The following PKD1L1 variants were observed in gnomAD, a reference collection of about 807,000 sequenced individuals.
The protein encoded by PKD1L1 is polycystin 1 like 1, transient receptor potential channel interacting.
A neutral mutation model predicts 323.4 loss-of-function variants in PKD1L1; 236 were observed. That is an observed-to-expected ratio of 0.73 (90% CI 0.66 to 0.81). The LOEUF (loss-of-function observed/expected upper bound fraction) is 0.81, where lower values mean the gene tolerates loss of function less well. Ranked by LOEUF, PKD1L1 falls within the 40% of genes least tolerant of loss-of-function variation. PKD1L1 has a pLI of 0.00. For synonymous variants in PKD1L1, 1,344 were observed against 1,335.0 expected, an observed-to-expected ratio of 1.01 and a Z score of -0.15; for missense variants, 3,320 against 3,508.0, an observed-to-expected ratio of 0.95 and a Z score of 1.35.
In PKD1L1 at chr7:47,830,041, A is replaced by G. The variant is rs189908091; in HGVS notation, c.6557T>C (p.Met2186Thr). 2.9e-5 allele frequency: 47 copies of G among 1,614,060 alleles called. No individual in the cohort carries two copies. Among genetic ancestry groups the G allele is most frequent in the Admixed American group, 1.8e-4 (11 of 60,030 alleles). ...VCCIFITQPL[M>T]VCLMALGFAW... is the part of the protein sequence containing the mutation. Reference sequence around the variant, plus strand: ...TCTACCATGGAGGGTGTTTCTTACCATAAGTGGCTGGGTGATGAAAATACA... The same window carrying G: ...TCTACCATGGAGGGTGTTTCTTACCGTAAGTGGCTGGGTGATGAAAATACA... The change falls in exon 43 of 57, where the codon ATG becomes ACG. Residue 2186 changes from methionine to threonine, a missense_variant and splice_region_variant. By Grantham distance (81) the Met-to-Thr change is moderately conservative. Transcript: ENST00000289672.
intron 13 of PKD1L1, among the ~76,000 whole-genome samples, chr7:47,898,860 G>A (rs1787016945): frequency 6.6e-6 from 1 of 151,326 alleles, no homozygotes; most frequent in South Asian, 2.1e-4. Context: ...ATACCCTTGT[G>A]CAATTGTTTG....
chr7:47,892,251 C>T (rs979832730), intron 15 of PKD1L1, among the ~76,000 whole-genome samples: 5 of 152,012 alleles, frequency 3.3e-5, no homozygotes, highest in African/African-American at 9.7e-5. Context: ...TGAGTGAAGG[C>T]GGTGATGGCA....
intron 56 of PKD1L1, among the ~76,000 whole-genome samples, chr7:47,789,956 T>C (rs1317716075): frequency 6.6e-6 from 1 of 151,966 alleles, no homozygotes; most frequent in Admixed American, 6.6e-5. Context: ...TGGTGTGATC[T>C]CGGCTCACCG....
At chr7:47,873,828 T>G (rs1786339733) in intron 24 of PKD1L1, 71 bp downstream of exon 24, 1 of 1,208,204 alleles carries the variant, frequency 8.3e-7, no homozygotes, top group Admixed American at 2.1e-5. Flanking sequence ...TGTTAACAAC[T>G]TGGGGGAGAG....
At position 47,882,041 on chromosome 7, in the gene PKD1L1, C is replaced by T. The variant is rs372058157; in HGVS notation, c.3310G>A (p.Glu1104Lys). The T allele has an allele frequency of 6.1e-5, 99 of 1,613,746 alleles. No homozygotes were observed. Among genetic ancestry groups the T allele is most frequent in the African/African-American group, 1.9e-4 (14 of 74,858 alleles). ...FPGSGPSLSA[E>K]ESPGDGDNLV... ...TTATCCCCATCTCCAGGGCTCTCCT[C>T]GGCACTCAAGCTAGGTCCTGATCCT... The change falls in exon 20 of 57, where the codon GAG becomes AAG. Residue 1104 changes from glutamate (E) to lysine (K), a missense_variant. Coordinates refer to ENST00000289672, the MANE Select transcript of PKD1L1 (RefSeq NM_138295.5).
intron 14 of PKD1L1, among the ~76,000 whole-genome samples, 159 bp downstream of exon 14, chr7:47,897,829 C>A (rs1423831440): frequency 6.6e-6 from 1 of 151,484 alleles, no homozygotes; most frequent in Non-Finnish European, 1.5e-5. Context: ...GGGAATTAAA[C>A]ATTTCTCTTA....
At chr7:47,940,143 A>G (rs754850537) in intron 3 of PKD1L1, 50 bp downstream of exon 3, 6 of 1,612,146 alleles carry the variant, frequency 3.7e-6, no homozygotes, top group East Asian at 4.5e-5. Context: ...TGTACTGTAC[A>G]TGTACTGTAT....
intron 46 of PKD1L1, chr7:47,818,243 A>C: frequency 7.7e-7 from 1 of 1,305,078 alleles, no homozygotes; most frequent in Non-Finnish European, 1.0e-6. Context: ...GAAAGGAAGA[A>C]TGAGCCAGGG....
intron 45 of PKD1L1, among the ~76,000 whole-genome samples, chr7:47,824,399 T>C (rs1785202533): frequency 6.6e-6 from 1 of 152,182 alleles, no homozygotes; most frequent in Admixed American, 6.5e-5. Flanking sequence ...AATAACAGAA[T>C]TCTTCATTTC....
chr7:47,862,177 A>G (rs1251447242), intron 26 of PKD1L1, among the ~76,000 whole-genome samples: 1 of 152,136 alleles, frequency 6.6e-6, no homozygotes, highest in Non-Finnish European at 1.5e-5. Context: ...CTTGGGCGAC[A>G]GAGTGAGACT....
At chr7:47,796,171 A>T (rs749051105) in intron 54 of PKD1L1, 21 bp from the exon 55 acceptor site, 2 of 1,556,150 alleles carry the variant, frequency 1.3e-6, no homozygotes, top group Non-Finnish European at 1.7e-6. Context: ...GAAAAAAATA[A>T]AGACAAATTT....
At chr7:47,818,128 T>C (rs765311668) in intron 46 of PKD1L1, 2 of 1,366,884 alleles carry the variant, frequency 1.5e-6, no homozygotes, top group East Asian at 4.6e-5. Flanking sequence ...ACCCAGAGGG[T>C]GGAATGAAGC....
chr7:47,959,974 T>C, the PKD1L1 span, among the ~76,000 whole-genome samples: 14 of 152,074 alleles, frequency 9.2e-5, no homozygotes, highest in Admixed American at 1.3e-4. Flanking sequence ...GGTTGCCATG[T>C]CTGTGTAGAA....
At chr7:47,860,362 G>A (rs574095194) in intron 26 of PKD1L1, among the ~76,000 whole-genome samples, 2 of 152,318 alleles carry the variant, frequency 1.3e-5, no homozygotes, top group Admixed American at 1.3e-4. Flanking sequence ...ATTCATCAAT[G>A]CTTAAAAGAC....
intron 50 of PKD1L1, 93 bp downstream of exon 50, chr7:47,811,724 G>A: frequency 1.0e-6 from 1 of 982,260 alleles, no homozygotes; most frequent in East Asian, 2.6e-5. Flanking sequence ...TGAATGGGTA[G>A]GGAACTAGTC....
chr7:47,837,220 T>A lies in PKD1L1; in HGVS notation c.5770-126A>T, dbSNP rs190818781. On this transcript the variant is annotated intron_variant, in intron 36 of 56. Coordinates refer to ENST00000289672, the MANE Select transcript of PKD1L1 (RefSeq NM_138295.5). ...TTTCTGGTTCTTCCATCCTAGCTGC[T>A]TAGCTGTGTACCAGGTGGGCTGTGG... 3.2e-5 allele frequency: 35 copies of A among 1,081,020 alleles called. No homozygotes were observed. The Middle Eastern group carries it at 1.1e-3, about 33-fold the overall frequency. 67.0% of individuals were successfully genotyped at this position (1,081,020 alleles called of 1,614,324 possible).
chr7:47,847,268 C>T (rs1206172231), intron 31 of PKD1L1, among the ~76,000 whole-genome samples, 197 bp from the exon 32 acceptor site: 1 of 152,172 alleles, frequency 6.6e-6, no homozygotes, highest in Admixed American at 6.5e-5. Flanking sequence ...CCAGTCAAAG[C>T]TCCTGGATGC....
intron 18 of PKD1L1, 106 bp downstream of exon 18, chr7:47,885,580 G>A (rs1221394454): frequency 7.0e-7 from 1 of 1,418,986 alleles, no homozygotes; most frequent in Non-Finnish European, 9.5e-7. Flanking sequence ...TGATTTAAAG[G>A]CCCATGTTGA....
At chr7:47,865,559 A>G (rs1786145672) in intron 25 of PKD1L1, among the ~76,000 whole-genome samples, 1 of 85,408 alleles carries the variant, frequency 1.2e-5, no homozygotes, top group Non-Finnish European at 2.4e-5. Context: ...GCTAAGCAAC[A>G]ATTTATTTAT....
Sources: gnomAD v4.1 joint callset for allele counts (sites outside exome capture counted in the v4.1 genomes callset) on GRCh38, gnomAD v4.1.1 for gene constraint, MANE v1.5 for transcripts, NCBI Gene and HGNC (gene_info 2026-07-23, HGNC 2026-07-21) for gene names.